CRISPLD2: variants seen among roughly 807,000 people sequenced by gnomAD.
CRISPLD2 encodes cysteine-rich secretory protein LCCL domain-containing 2.
Under a neutral mutation model 71.1 loss-of-function variants are expected in CRISPLD2, and 47 were observed. That is an observed-to-expected ratio of 0.66 (90% CI 0.52 to 0.84). The LOEUF (loss-of-function observed/expected upper bound fraction) is 0.84, where lower values mean the gene tolerates loss of function less well. CRISPLD2 is among the 40% of genes least tolerant of loss of function. The pLI is 0.00. For synonymous variants in CRISPLD2, 317 were observed against 250.1 expected (o/e 1.27, Z -2.52); for missense variants, 830 against 651.1 (o/e 1.27, Z -2.99).
intron 6 of CRISPLD2, 98 bp downstream of exon 6, chr16:84,854,927 A>G: frequency 1.1e-6 from 1 of 924,876 alleles, no homozygotes; most frequent in Non-Finnish European, 1.8e-6. Context: ...GAAGTCAGTC[A>G]CCCCTCCTGG....
At position 84,908,621 on chromosome 16, in the gene CRISPLD2, C is replaced by T. The variant is rs1275866184; in HGVS notation, c.*1979C>T. On this transcript the variant is annotated 3_prime_UTR_variant, in exon 15 of 15. Transcript: ENST00000262424. ...AAAGTCCCCGGGTTCCTTAATGCCT[C>T]CTTCACTGGGCCTTCCTAGCAGGAT... 6.6e-6 allele frequency: 1 copy of T among 151,876 alleles called. No homozygotes were observed. Among genetic ancestry groups the T allele is most frequent in the Non-Finnish European group, 1.5e-5 (1 of 68,002 alleles). 9.4% of individuals were successfully genotyped at this position (151,876 alleles called of 1,614,324 possible). A position where few individuals can be genotyped will look rare whatever the true frequency, so the allele number is the denominator to read the frequency against.
intron 14 of CRISPLD2, among the ~76,000 whole-genome samples, chr16:84,899,514 G>T (rs1282412967): frequency 1.3e-5 from 2 of 152,328 alleles, no homozygotes; most frequent in South Asian, 2.1e-4. Flanking sequence ...GACACTGAAG[G>T]TGGGGAATTT....
intron 2 of CRISPLD2, among the ~76,000 whole-genome samples, chr16:84,844,422 C>T (rs943443945): frequency 6.6e-6 from 1 of 152,212 alleles, no homozygotes; most frequent in Non-Finnish European, 1.5e-5. Flanking sequence ...TAGGTACATT[C>T]ACACTGTTGT....
rs182019495 is a variant in CRISPLD2, at chr16:84,873,157, T to C, written c.1112+35T>C. On this transcript the variant is annotated intron_variant, in intron 10 of 14. Transcript: ENST00000262424. ...CTGTGATCGGGGCTCTGTGAAACGG[T>C]TTTCCTGTTTATGACGGTGTTGTTG... The C allele has an allele frequency of 1.2e-4, 194 of 1,597,120 alleles. No homozygotes were observed. The African/African-American group carries it at 2.3e-3, about 19-fold the overall frequency.
chr16:84,833,529 G>A (rs1472854758), intron 1 of CRISPLD2, among the ~76,000 whole-genome samples: 3 of 152,176 alleles, frequency 2.0e-5, no homozygotes, highest in Non-Finnish European at 4.4e-5. Context: ...GGAGCATCAG[G>A]GGTAGAAGAG....
At chr16:84,873,870 C>G (rs1286595791) in intron 10 of CRISPLD2, 50 bp from the exon 11 acceptor site, 1 of 1,502,280 alleles carries the variant, frequency 6.7e-7, no homozygotes. Context: ...AGAAGCAATT[C>G]TATTTGCATT....
At chr16:84,863,038 C>CT (rs1363799751) in intron 6 of CRISPLD2, 2 of 152,198 alleles carry the variant, frequency 1.3e-5, no homozygotes, top group Non-Finnish European at 2.9e-5. Context: ...TCCAGGGAGC[C>CT]TTCCTGGACT....
Position 84,850,586 on chromosome 16 carries a change from A to C in CRISPLD2, c.511A>C (p.Asn171His). 1 of 1,614,152 alleles carries C rather than the reference A, an allele frequency of 6.2e-7. No homozygotes were observed. Among genetic ancestry groups the C allele is most frequent in the South Asian group, 1.1e-5 (1 of 91,082 alleles). ...HYTQIVWATT[N>H]KIGCAVNTCR... is the part of the protein sequence containing the mutation. Reference sequence around the variant, plus strand: ...TTTTCAGATAGTTTGGGCCACCACCAACAAGATCGGTTGTGCTGTGAACAC... The same window carrying C: ...TTTTCAGATAGTTTGGGCCACCACCCACAAGATCGGTTGTGCTGTGAACAC... Residue 171 changes from asparagine (N) to histidine (H), a missense_variant, in exon 5 of 15, where the codon AAC becomes CAC. Asn to His is a moderately conservative substitution (Grantham distance 68, BLOSUM62 1). Transcript: ENST00000262424.
Position 84,877,449 on chromosome 16 carries a change from G to A in CRISPLD2, c.1168G>A (p.Asp390Asn), listed in dbSNP as rs79001318. Residue 390 changes from aspartate to asparagine, a missense_variant, in exon 12 of 15, where the codon GAC (aspartate) becomes AAC (asparagine). Coordinates refer to ENST00000262424, the MANE Select transcript of CRISPLD2 (RefSeq NM_031476.4). ...MVSKVKVQDL[D>N]CYTTVAQLCP... ...GCTCCTGTTCACAGTGCAGGATTTG[G>A]ACTGCTACACGACCGTTGCTCAGCT... 2 of 1,613,808 alleles carry A rather than the reference G, an allele frequency of 1.2e-6. No individual in the cohort carries two copies. Among genetic ancestry groups the A allele is most frequent in the Non-Finnish European group, 8.5e-7 (1 of 1,179,794 alleles).
chr16:84,880,781 C>CT (rs1265899233), intron 13 of CRISPLD2, 197 bp downstream of exon 13: 3 of 440,982 alleles, frequency 6.8e-6, no homozygotes, highest in Non-Finnish European at 1.2e-5. Flanking sequence ...TCTTGGCCCA[C>CT]TGTAACCTCT....
chr16:84,837,797 AACG>A (rs1427616149), intron 1 of CRISPLD2, among the ~76,000 whole-genome samples: 1 of 148,278 alleles, frequency 6.7e-6, no homozygotes, highest in African/African-American at 2.5e-5. Context: ...GAATAACATA[AACG>A]ACCGGCCTGT....
At chr16:84,875,066 C>T (rs973793452) in intron 11 of CRISPLD2, among the ~76,000 whole-genome samples, 13 of 152,138 alleles carry the variant, frequency 8.5e-5, no homozygotes, top group African/African-American at 3.1e-4. Context: ...CACAGCAAGA[C>T]CCTGTCTCTG....
At chr16:84,841,545 A>G (rs1394987799) in intron 2 of CRISPLD2, among the ~76,000 whole-genome samples, 2 of 134,174 alleles carry the variant, frequency 1.5e-5, no homozygotes, top group African/African-American at 6.7e-5. Context: ...GGTAAAAAAG[A>G]AAAAAAAAGA....
intron 6 of CRISPLD2, among the ~76,000 whole-genome samples, chr16:84,860,077 C>T (rs531629492): frequency 3.1e-5 from 2 of 64,912 alleles, no homozygotes; most frequent in Admixed American, 2.2e-4. Flanking sequence ...CCCAATCTCC[C>T]TAAGCCTTTG....
intron 3 of CRISPLD2, among the ~76,000 whole-genome samples, chr16:84,847,782 G>A (rs1916956408): frequency 6.6e-6 from 1 of 152,182 alleles, no homozygotes; most frequent in South Asian, 2.1e-4. Flanking sequence ...GGGCGCCGAC[G>A]TAGTTTTACA....
At chr16:84,826,227 C>T (rs1293701660) in intron 1 of CRISPLD2, among the ~76,000 whole-genome samples, 1 of 152,198 alleles carries the variant, frequency 6.6e-6, no homozygotes, top group Admixed American at 6.5e-5. Context: ...AAAGAAGTCA[C>T]GAGTGACCTG....
chr16:84,872,555 T>A, intron 9 of CRISPLD2, 47 bp downstream of exon 9: 1 of 1,504,076 alleles, frequency 6.6e-7, no homozygotes, highest in Non-Finnish European at 9.2e-7. Flanking sequence ...GGGATCCTGT[T>A]GCATATGTTT....
chr16:84,836,805 A>G (rs1485035082), intron 1 of CRISPLD2, among the ~76,000 whole-genome samples: 1 of 152,034 alleles, frequency 6.6e-6, no homozygotes, highest in African/African-American at 2.4e-5. Flanking sequence ...GGTTGGTGCT[A>G]TGGGGGTGAA....
chr16:84,903,621 A>G (rs1201758272), intron 14 of CRISPLD2, among the ~76,000 whole-genome samples: 1 of 151,874 alleles, frequency 6.6e-6, no homozygotes, highest in Non-Finnish European at 1.5e-5. Context: ...AAAAGCCCAA[A>G]GAGACTTAGT....
Sources: allele counts gnomAD v4.1 joint callset (sites outside exome capture counted in the v4.1 genomes callset), GRCh38; gene constraint gnomAD v4.1.1; transcripts MANE v1.5; gene names NCBI Gene and HGNC (gene_info 2026-07-23, HGNC 2026-07-21).